The following RUNX1 variants were observed in gnomAD, a reference collection of about 807,000 sequenced individuals.
RUNX1 encodes RUNX family transcription factor 1, also known as runt-related transcription factor 1.
In RUNX1, 19 loss-of-function variants were observed where a neutral mutation model predicts 42.8. The observed-to-expected ratio is 0.44, with a 90% confidence interval of 0.31 to 0.65. The LOEUF (loss-of-function observed/expected upper bound fraction) is 0.65. Among genes scored for constraint, RUNX1 ranks in the 30% least tolerant of loss-of-function variants. The pLI, the probability that RUNX1 is intolerant of heterozygous loss-of-function variation, is 0.07. For missense variants in RUNX1, 528 were observed against 672.0 expected, an observed-to-expected ratio of 0.79 and a Z score of 2.37; for synonymous variants, 271 against 289.4, an observed-to-expected ratio of 0.94 and a Z score of 0.64.
At chr21:34,898,801 C>G (rs557161536) in intron 2 of RUNX1, among the ~76,000 whole-genome samples, 1 of 152,244 alleles carries the variant, frequency 6.6e-6, no homozygotes, top group African/African-American at 2.4e-5. Flanking sequence ...TCTGCCTCAG[C>G]AGGTCTCGGA....
intron 2 of RUNX1, among the ~76,000 whole-genome samples, chr21:35,039,625 C>T (rs887916279): frequency 6.6e-6 from 1 of 152,126 alleles, no homozygotes; most frequent in Non-Finnish European, 1.5e-5. Context: ...GATTTATTCA[C>T]ATCTGTAATA....
intron 2 of RUNX1, among the ~76,000 whole-genome samples, chr21:35,048,457 C>A (rs1026540374): frequency 1.3e-5 from 2 of 152,180 alleles, no homozygotes; most frequent in Non-Finnish European, 2.9e-5. Flanking sequence ...ACACAGCATG[C>A]CGAGTTAAGG....
At chr21:35,006,529 T>A (rs1223245125) in intron 2 of RUNX1, among the ~76,000 whole-genome samples, 1 of 152,156 alleles carries the variant, frequency 6.6e-6, no homozygotes, top group East Asian at 1.9e-4. Context: ...GGATAGGAGT[T>A]CCATTCTGCT....
At chr21:35,002,096 T>A (rs990768746) in intron 2 of RUNX1, among the ~76,000 whole-genome samples, 3 of 151,990 alleles carry the variant, frequency 2.0e-5, no homozygotes, top group African/African-American at 7.2e-5. Context: ...TAATCCCCCA[T>A]CAAAATCCCA....
chr21:34,837,943 T>G (rs745309088), intron 6 of RUNX1, among the ~76,000 whole-genome samples: 1 of 152,224 alleles, frequency 6.6e-6, no homozygotes, highest in Non-Finnish European at 1.5e-5. Context: ...TGCTTGGAAT[T>G]TTATTATGTA....
intron 2 of RUNX1, among the ~76,000 whole-genome samples, chr21:34,921,302 C>T (rs1472818864): frequency 6.6e-6 from 1 of 152,296 alleles, no homozygotes; most frequent in Admixed American, 6.5e-5. Flanking sequence ...CCCTGTTTCC[C>T]CCTCCCCCAC....
chr21:34,851,769 T>C (rs559571308), intron 6 of RUNX1, among the ~76,000 whole-genome samples: 16 of 152,324 alleles, frequency 1.1e-4, no homozygotes, highest in Admixed American at 2.6e-4. Context: ...TGCTCCCACA[T>C]TGGATTGAGA....
chr21:35,027,668 G>A (rs1018846565), intron 2 of RUNX1, among the ~76,000 whole-genome samples: 2 of 152,196 alleles, frequency 1.3e-5, no homozygotes, highest in African/African-American at 4.8e-5. Context: ...GAGAGTTGAA[G>A]TTAGGTTCTG....
chr21:34,937,678 T>A (rs570683529), intron 2 of RUNX1, among the ~76,000 whole-genome samples: 2 of 150,824 alleles, frequency 1.3e-5, no homozygotes, highest in Admixed American at 1.3e-4. Flanking sequence ...CCTGCTTCTA[T>A]GAGGTGGTGC....
At chr21:34,887,423 C>T (rs1601530580) in intron 3 of RUNX1, 1 of 1,328,354 alleles carries the variant, frequency 7.5e-7, no homozygotes, top group East Asian at 2.9e-5. Context: ...AGGTTAAGTT[C>T]TGTCTTTGGC....
At chr21:34,868,892 TG>T (rs950463248) in intron 5 of RUNX1, among the ~76,000 whole-genome samples, 44 of 152,214 alleles carry the variant, frequency 2.9e-4, no homozygotes, top group African/African-American at 1.0e-3. Context: ...TAAATGACCT[TG>T]GGGGGTGGGG....
chr21:34,792,083 C>T lies in RUNX1; in HGVS notation c.*52G>A. 8.4e-7 allele frequency: 1 copy of T among 1,188,846 alleles called. No individual in the cohort carries two copies. The highest frequency in any genetic ancestry group is 1.1e-6 in the Non-Finnish European group (1 of 925,104). 73.6% of individuals were successfully genotyped at this position (1,188,846 alleles called of 1,614,324 possible). A position where few individuals can be genotyped will look rare whatever the true frequency, so the allele number is the denominator to read the frequency against. ...TGTCGCGAACAGGAGGCCCGCGCGC[C>T]CGGAGGCGAAGGCGGCGGCCCGCGG... On this transcript the variant is annotated 3_prime_UTR_variant, in exon 9 of 9. Transcript: ENST00000675419. The surrounding 1 kb of genome is among the most constrained non-coding windows in gnomAD (Gnocchi z 6.9).
chr21:34,848,772 G>A (rs2057353025), intron 6 of RUNX1, among the ~76,000 whole-genome samples: 1 of 152,134 alleles, frequency 6.6e-6, no homozygotes. Flanking sequence ...TATGCCTGGC[G>A]AGTAGTGTCC....
intron 6 of RUNX1, among the ~76,000 whole-genome samples, chr21:34,851,036 G>C (rs2057410752): frequency 6.6e-6 from 1 of 152,180 alleles, no homozygotes; most frequent in Non-Finnish European, 1.5e-5. Flanking sequence ...GTTTTGGAGA[G>C]GCTCAGTCAG....
At chr21:34,938,650 T>C (rs1003975461) in intron 2 of RUNX1, among the ~76,000 whole-genome samples, 1 of 152,124 alleles carries the variant, frequency 6.6e-6, no homozygotes, top group African/African-American at 2.4e-5. Flanking sequence ...TGACACATCG[T>C]CTGAAAATGA....
chr21:34,845,595 C>T (rs1366353711), intron 6 of RUNX1, among the ~76,000 whole-genome samples: 1 of 152,194 alleles, frequency 6.6e-6, no homozygotes, highest in Non-Finnish European at 1.5e-5. Context: ...TGTGTGAACA[C>T]TCTGGTGTGT....
intron 5 of RUNX1, among the ~76,000 whole-genome samples, chr21:34,873,080 TATAG>T (rs939132146): frequency 1.3e-5 from 2 of 152,150 alleles, no homozygotes; most frequent in Admixed American, 6.5e-5. Flanking sequence ...CCTTACTAAT[TATAG>T]ATAGATAGAA....
intron 5 of RUNX1, among the ~76,000 whole-genome samples, chr21:34,872,333 G>A (rs929668318): frequency 1.3e-5 from 2 of 152,154 alleles, no homozygotes; most frequent in African/African-American, 4.8e-5. Flanking sequence ...TGGCTACAGT[G>A]GGGAGCCTTC....
At position 34,791,923 on chromosome 21, in the gene RUNX1, G is replaced by A; in HGVS notation, c.*212C>T. On this transcript the variant is annotated 3_prime_UTR_variant, in exon 9 of 9. Transcript: ENST00000675419. ...CGGACACCTCCGCGAGGGCCGGGGCGCCAGCAGACGGCGGCGGCGTGGGCT... is the reference window on the plus strand; with the variant it reads ...CGGACACCTCCGCGAGGGCCGGGGCACCAGCAGACGGCGGCGGCGTGGGCT... The A allele has an allele frequency of 9.4e-6, 3 of 319,330 alleles. No homozygotes were observed. Among genetic ancestry groups the A allele is most frequent in the South Asian group, 5.0e-5 (1 of 19,912 alleles). The allele number at this position is 319,330 out of a possible 1,614,324, so 19.8% of individuals were successfully genotyped here.
Sources: gnomAD v4.1 joint callset for allele counts (sites outside exome capture counted in the v4.1 genomes callset) on GRCh38, gnomAD v4.1.1 for gene constraint, Gnocchi (gnomAD v3.1) non-coding constraint, MANE v1.5 for transcripts, NCBI Gene and HGNC (gene_info 2026-07-23, HGNC 2026-07-21) for gene names.